UACA: variants seen among roughly 807,000 people sequenced by gnomAD.
UACA encodes the protein nuclear membrane binding protein.
A neutral mutation model predicts 160.5 loss-of-function variants in UACA; 112 were observed. That is an observed-to-expected ratio of 0.70 (90% confidence interval 0.60 to 0.82). The LOEUF (loss-of-function observed/expected upper bound fraction) is 0.82. Ranked by LOEUF, UACA falls within the 40% of genes least tolerant of loss-of-function variation. The probability of loss-of-function intolerance (pLI) is 0.00; values close to 1 mark genes in which losing one functional copy is unlikely to be tolerated. For missense variants in UACA, 1,574 were observed against 1,614.6 expected (o/e 0.97, Z 0.43); for synonymous variants, 557 against 568.4 (o/e 0.98, Z 0.29).
At chr15:70,742,757 G>GT (rs910012097) in intron 1 of UACA, among the ~76,000 whole-genome samples, 1 of 151,586 alleles carries the variant, frequency 6.6e-6, no homozygotes, top group African/African-American at 2.4e-5. Flanking sequence ...TTTTTATTTT[G>GT]TTTTTTTCAC....
intron 1 of UACA, among the ~76,000 whole-genome samples, chr15:70,750,698 T>C (rs1224007700): frequency 6.6e-6 from 1 of 152,114 alleles, no homozygotes; most frequent in South Asian, 2.1e-4. Context: ...GTGAGACCCC[T>C]GTCTCTACAA....
intron 16 of UACA, among the ~76,000 whole-genome samples, chr15:70,666,421 C>T (rs1468197662): frequency 6.6e-6 from 1 of 152,160 alleles, no homozygotes; most frequent in Admixed American, 6.5e-5. Flanking sequence ...ACCCTCTTCC[C>T]CATCTTTCAT....
At chr15:70,701,095 T>C (rs545644979) in intron 1 of UACA, among the ~76,000 whole-genome samples, 1 of 152,262 alleles carries the variant, frequency 6.6e-6, no homozygotes, top group Non-Finnish European at 1.5e-5. Context: ...TACATTAAAA[T>C]TTTAACTCAC....
At chr15:70,752,786 C>A (rs977048338) in intron 1 of UACA, among the ~76,000 whole-genome samples, 6 of 152,234 alleles carry the variant, frequency 3.9e-5, no homozygotes, top group Middle Eastern at 3.4e-3. Context: ...GATACACACA[C>A]ACACACCCCT....
chr15:70,773,191 A>G, the UACA span, among the ~76,000 whole-genome samples: 1 of 152,146 alleles, frequency 6.6e-6, no homozygotes. Flanking sequence ...TCAAAGATCA[A>G]CCCTACCAAA....
At position 70,668,175 on chromosome 15, in the gene UACA, C is replaced by T; in HGVS notation, c.2509G>A (p.Asp837Asn). ...LSELKKKCGEDQEKIHALTSE... is the reference protein window; with the variant it reads ...LSELKKKCGENQEKIHALTSE... Reference sequence around the variant, plus strand: ...GTGAGAGCGTGTATTTTCTCCTGGTCTTCACCACATTTTTTCTTAAGTTCA... The same window carrying T: ...GTGAGAGCGTGTATTTTCTCCTGGTTTTCACCACATTTTTTCTTAAGTTCA... Residue 837 changes from aspartate (D) to asparagine (N), a missense_variant, in exon 16 of 19, where the codon GAC becomes AAC. By Grantham distance (23) the Asp-to-Asn change is conservative. Transcript: ENST00000322954. 6.2e-7 allele frequency: 1 copy of T among 1,611,664 alleles called. No individual in the cohort carries two copies. Among genetic ancestry groups the T allele is most frequent in the Non-Finnish European group, 8.5e-7 (1 of 1,179,524 alleles).
intron 1 of UACA, among the ~76,000 whole-genome samples, chr15:70,761,575 T>G (rs2030755649): frequency 6.6e-6 from 1 of 152,216 alleles, no homozygotes; most frequent in Non-Finnish European, 1.5e-5. Context: ...ATTTTAAAAT[T>G]TTACAGAATT....
At chr15:70,701,942 A>G (rs1173540123) in intron 1 of UACA, 1 of 1,612,368 alleles carries the variant, frequency 6.2e-7, no homozygotes, top group South Asian at 1.1e-5. Flanking sequence ...CTTGTTGCTA[A>G]TGGCAAACTA....
intron 18 of UACA, 140 bp from the exon 19 acceptor site, chr15:70,657,267 A>G (rs569160012): frequency 1.4e-6 from 1 of 703,406 alleles, no homozygotes; most frequent in East Asian, 2.7e-5. Flanking sequence ...TTTCTAAAGG[A>G]ATTACTGGAA....
intron 2 of UACA, among the ~76,000 whole-genome samples, chr15:70,696,020 C>A (rs938800071): frequency 1.3e-5 from 2 of 152,064 alleles, no homozygotes; most frequent in Non-Finnish European, 2.9e-5. Flanking sequence ...GGATGTTGAA[C>A]TCAAGTAGAA....
Position 70,666,792 on chromosome 15 carries a change from T to C in UACA, c.3892A>G (p.Thr1298Ala). 2 of 1,613,034 alleles carry C rather than the reference T, an allele frequency of 1.2e-6. No homozygotes were observed. The highest frequency in any genetic ancestry group is 1.7e-6 in the Non-Finnish European group (2 of 1,179,746). Residue 1298 changes from threonine to alanine, a missense_variant, in exon 16 of 19, where the codon ACA becomes GCA. Transcript: ENST00000322954. Reference sequence around the variant, plus strand: ...CTTCTTTGTAACTCTGTGATTGTTGTTAAGGACTTATCACATCGTTCCTTC... The same window carrying C: ...CTTCTTTGTAACTCTGTGATTGTTGCTAAGGACTTATCACATCGTTCCTTC... ...DQKERCDKSL[T>A]TITELQRRIQ...
chr15:70,690,663 T>C (rs1183921248), intron 4 of UACA, 152 bp from the exon 5 acceptor site: 1 of 606,638 alleles, frequency 1.6e-6, no homozygotes, highest in Middle Eastern at 3.4e-4. Flanking sequence ...TATGCTGACA[T>C]GGAACAAATA....
At chr15:70,747,269 G>T (rs1453828184) in intron 1 of UACA, among the ~76,000 whole-genome samples, 21 of 138,268 alleles carry the variant, frequency 1.5e-4, no homozygotes, top group Non-Finnish European at 4.6e-5. Flanking sequence ...TTTTTAGATG[G>T]AGTCTTGCTC....
At chr15:70,684,033 A>G (rs945672258) in intron 8 of UACA, among the ~76,000 whole-genome samples, 4 of 152,136 alleles carry the variant, frequency 2.6e-5, no homozygotes, top group African/African-American at 9.7e-5. Flanking sequence ...AAGTTATTCC[A>G]GTGTCTTAGT....
At chr15:70,690,958 A>G (rs1377849126) in intron 4 of UACA, among the ~76,000 whole-genome samples, 2 of 152,184 alleles carry the variant, frequency 1.3e-5, no homozygotes, top group Non-Finnish European at 2.9e-5. Context: ...ATTATGTAGT[A>G]TAAGTTATCT....
rs1555415817 is a variant in UACA, at chr15:70,735,147, TAAA to T, written c.78+28180_78+28182del. Among the ~76,000 whole-genome samples, 20 of 3,106 alleles carry T rather than the reference TAAA, an allele frequency of 6.4e-3. 1 individual carries two copies. Among genetic ancestry groups the T allele is most frequent in the African/African-American group, 0.023 (20 of 870 alleles). 2.0% of individuals were successfully genotyped at this position (3,106 alleles called of 152,430 possible). On this transcript the variant is annotated intron_variant, in intron 1 of 18. Transcript: ENST00000322954. ...ATGTACCCTAAAACTTAGAGTATAATAAAAAAAAAAAAAAAAAAAAAAAAAGAT... is the reference window on the plus strand; with the variant it reads ...ATGTACCCTAAAACTTAGAGTATAATAAAAAAAAAAAAAAAAAAAAAAGAT...
At position 70,729,682 on chromosome 15, in the gene UACA, A is replaced by AACAGCTCCGGTCT. The variant is rs1260897239; in HGVS notation, c.79-30035_79-30023dup. On this transcript the variant is annotated intron_variant, in intron 1 of 18. Coordinates refer to ENST00000322954, the MANE Select transcript of UACA (RefSeq NM_018003.4). ...GGAGGAGCCAAGATGGCCGAATAGG[A>AACAGCTCCGGTCT]ACAGCTCCGGTCTACAGCTCCCAGC... Among the ~76,000 whole-genome samples the AACAGCTCCGGTCT allele has an allele frequency of 2.2e-4, 32 of 142,474 alleles. 1 individual carries two copies. Among genetic ancestry groups the AACAGCTCCGGTCT allele is most frequent in the Non-Finnish European group, 3.7e-4 (25 of 67,042 alleles). The allele number at this position is 142,474 out of a possible 152,430, so 93.5% of individuals were successfully genotyped here.
At chr15:70,739,511 C>T (rs1225772244) in intron 1 of UACA, among the ~76,000 whole-genome samples, 1 of 152,150 alleles carries the variant, frequency 6.6e-6, no homozygotes, top group Non-Finnish European at 1.5e-5. Flanking sequence ...TACAAACTGG[C>T]TTTATATTGG....
chr15:70,761,374 C>CA (rs2141020256), intron 1 of UACA, among the ~76,000 whole-genome samples: 1 of 149,286 alleles, frequency 6.7e-6, no homozygotes, highest in South Asian at 2.1e-4. Context: ...ATTACCTATT[C>CA]AAAAAATAAC....
Sources: gnomAD v4.1 joint callset for allele counts (sites outside exome capture counted in the v4.1 genomes callset) on GRCh38, gnomAD v4.1.1 for gene constraint, MANE v1.5 for transcripts, NCBI Gene and HGNC (gene_info 2026-07-23, HGNC 2026-07-21) for gene names.